Variants in CYRIA observed in about 807,000 individuals in gnomAD.
The protein encoded by CYRIA is CYFIP-related Rac1 interactor A.
A neutral mutation model predicts 43.9 loss-of-function variants in CYRIA; 15 were observed. The ratio of observed to expected loss-of-function variants is 0.34; its 90% CI spans 0.23 to 0.53. The LOEUF is 0.53. Among genes scored for constraint, CYRIA ranks in the 20% least tolerant of loss-of-function variants. The pLI, the probability that CYRIA is intolerant of heterozygous loss-of-function variation, is 0.94. For synonymous variants in CYRIA, 117 were observed against 136.0 expected, an observed-to-expected ratio of 0.86 and a Z score of 0.97; for missense variants, 236 against 394.2, an observed-to-expected ratio of 0.60 and a Z score of 3.40.
At chr2:16,651,236 C>T (rs1669967749) in intron 1 of CYRIA, among the ~76,000 whole-genome samples, 1 of 152,156 alleles carries the variant, frequency 6.6e-6, no homozygotes, top group Non-Finnish European at 1.5e-5. Context: ...TCCTGTATAC[C>T]CACAGATGCT....
At chr2:16,638,195 A>T (rs985667915) in intron 1 of CYRIA, among the ~76,000 whole-genome samples, 1 of 152,204 alleles carries the variant, frequency 6.6e-6, no homozygotes, top group African/African-American at 2.4e-5. Flanking sequence ...CCCACCCTGC[A>T]GGCTGTTACT....
intron 2 of CYRIA, among the ~76,000 whole-genome samples, chr2:16,618,957 G>A (rs956123614): frequency 3.3e-5 from 5 of 152,258 alleles, no homozygotes; most frequent in South Asian, 2.1e-4. Flanking sequence ...TTGTGGAGAG[G>A]GTGATACACA....
chr2:16,575,813 G>A (rs62122701), intron 3 of CYRIA, among the ~76,000 whole-genome samples: 15,273 of 151,602 alleles, frequency 0.1, 973 homozygotes, highest in African/African-American at 0.18. Flanking sequence ...CCGAGATTGC[G>A]CCACTGCACT....
At chr2:16,573,684 A>G (rs1283876548) in intron 3 of CYRIA, among the ~76,000 whole-genome samples, 1 of 152,112 alleles carries the variant, frequency 6.6e-6, no homozygotes. Flanking sequence ...ATGAGATCTG[A>G]TGGTTTTATA....
intron 2 of CYRIA, among the ~76,000 whole-genome samples, chr2:16,589,535 T>A (rs1225266480): frequency 6.6e-6 from 1 of 152,084 alleles, no homozygotes; most frequent in African/African-American, 2.4e-5. Context: ...TTCTACTACC[T>A]CTGTTATCCA....
intron 2 of CYRIA, among the ~76,000 whole-genome samples, chr2:16,618,705 T>C (rs1668891716): frequency 6.6e-6 from 1 of 152,214 alleles, no homozygotes. Flanking sequence ...TAAGGAGGGA[T>C]GGCTGCCCAG....
chr2:16,637,431 C>T (rs1669531956), intron 1 of CYRIA, among the ~76,000 whole-genome samples: 2 of 152,158 alleles, frequency 1.3e-5, no homozygotes, highest in South Asian at 4.1e-4. Context: ...TTTCTCTCTT[C>T]ACCATATGAG....
At chr2:16,662,094 T>C (rs1428912275) in intron 1 of CYRIA, among the ~76,000 whole-genome samples, 1 of 152,160 alleles carries the variant, frequency 6.6e-6, no homozygotes, top group Non-Finnish European at 1.5e-5. Flanking sequence ...GTGTTGGTGA[T>C]TCGTGCATTG....
chr2:16,629,181 G>T (rs1337981615), intron 1 of CYRIA, among the ~76,000 whole-genome samples: 2 of 152,118 alleles, frequency 1.3e-5, no homozygotes, highest in African/African-American at 4.8e-5. Flanking sequence ...ACAGACCTGG[G>T]GTCCTCAGGG....
intron 9 of CYRIA, 87 bp from the exon 10 acceptor site, chr2:16,559,673 C>A (rs925234673): frequency 1.4e-6 from 2 of 1,466,712 alleles, no homozygotes; most frequent in East Asian, 2.3e-5. Flanking sequence ...TTAGATGCCT[C>A]CAATCCTCTC....
At chr2:16,556,088 G>C (rs1165038864) in intron 10 of CYRIA, among the ~76,000 whole-genome samples, 1 of 152,084 alleles carries the variant, frequency 6.6e-6, no homozygotes, top group African/African-American at 2.4e-5. Flanking sequence ...CTATTCATAT[G>C]CTGTTATATA....
intron 3 of CYRIA, among the ~76,000 whole-genome samples, chr2:16,582,295 G>T (rs2041870366): frequency 6.6e-6 from 1 of 152,090 alleles, no homozygotes; most frequent in South Asian, 2.1e-4. Context: ...CAGAAGAAAA[G>T]AATTGGATCT....
At chr2:16,607,768 C>T (rs540535714) in intron 2 of CYRIA, among the ~76,000 whole-genome samples, 92 of 151,976 alleles carry the variant, frequency 6.1e-4, no homozygotes, top group Non-Finnish European at 8.7e-4. Flanking sequence ...GGCTAATTTT[C>T]GTATTTTTAG....
intron 3 of CYRIA, among the ~76,000 whole-genome samples, chr2:16,581,918 T>C (rs1667564085): frequency 6.6e-6 from 1 of 152,208 alleles, no homozygotes; most frequent in South Asian, 2.1e-4. Context: ...AAAAACATTA[T>C]ATTGAGTGAA....
At chr2:16,559,929 G>A (rs1227714745) in intron 9 of CYRIA, among the ~76,000 whole-genome samples, 1 of 152,118 alleles carries the variant, frequency 6.6e-6, no homozygotes, top group Non-Finnish European at 1.5e-5. Context: ...AGAGAGTAAT[G>A]GCTTCATTAC....
chr2:16,554,226 A>T (rs561148793), intron 11 of CYRIA, among the ~76,000 whole-genome samples: 3 of 152,152 alleles, frequency 2.0e-5, no homozygotes, highest in African/African-American at 7.2e-5. Context: ...CACTTACTGC[A>T]TGTACAACAC....
At position 16,657,459 on chromosome 2, in the gene CYRIA, T is replaced by A. The variant is rs150706647; in HGVS notation, c.-167+8321A>T. Among the ~76,000 whole-genome samples the A allele has an allele frequency of 5.6e-3, 831 of 148,860 alleles. 8 individuals are homozygous for A. Among genetic ancestry groups the A allele is most frequent in the African/African-American group, 0.019 (757 of 39,592 alleles). On this transcript the variant is annotated intron_variant, in intron 1 of 11. Coordinates refer to ENST00000381323, the MANE Select transcript of CYRIA (RefSeq NM_030797.4). ...TGTCCCAGTGAAATTTGAGAGCCCA[T>A]GTTTTTTGATGTTTTTTGTTGTTTT...
At chr2:16,648,141 T>C (rs1423762920) in intron 1 of CYRIA, among the ~76,000 whole-genome samples, 1 of 152,150 alleles carries the variant, frequency 6.6e-6, no homozygotes, top group East Asian at 1.9e-4. Context: ...AGCTAGTGAG[T>C]GGAGAAGTGT....
chr2:16,610,897 CATATATATATATATATATAT>C lies in CYRIA; in HGVS notation c.-11+12947_-11+12966del, dbSNP rs60848949. 2.3e-3 allele frequency among the ~76,000 whole-genome samples: 211 copies of C among 92,596 alleles called. 8 individuals carry two copies. The highest frequency in any genetic ancestry group is 0.016 in the East Asian group (24 of 1,532). 60.7% of individuals were successfully genotyped at this position (92,596 alleles called of 152,430 possible). ...TAGGATTGACTTCTTTTAGTCCCAA[CATATATATATATATATATAT>C]ATATATATATATATATATATCCTGT... is the stretch of plus-strand genomic sequence containing the variant. On this transcript the variant is annotated intron_variant, in intron 2 of 11. Transcript: ENST00000381323.
Sources: gnomAD v4.1 joint callset for allele counts (sites outside exome capture counted in the v4.1 genomes callset) on GRCh38, gnomAD v4.1.1 for gene constraint, MANE v1.5 for transcripts, NCBI Gene and HGNC (gene_info 2026-07-23, HGNC 2026-07-21) for gene names.